ANPEP: variants seen among roughly 807,000 people sequenced by gnomAD.
ANPEP encodes aminopeptidase N.
Under a neutral mutation model 114.6 loss-of-function variants are expected in ANPEP, and 70 were observed. The observed-to-expected ratio is 0.61, with a 90% confidence interval of 0.50 to 0.75. ANPEP has a LOEUF of 0.75. Ranked by LOEUF, ANPEP falls within the 30% of genes least tolerant of loss-of-function variation. The probability of loss-of-function intolerance (pLI) is 0.00; values close to 1 mark genes in which losing one functional copy is unlikely to be tolerated. For missense variants in ANPEP, 1,184 were observed against 1,259.5 expected (o/e 0.94, Z 0.91); for synonymous variants, 548 against 522.3 (o/e 1.05, Z -0.67).
At chr15:89,789,065 C>T (rs1216311372) in intron 20 of ANPEP, among the ~76,000 whole-genome samples, 4 of 151,902 alleles carry the variant, frequency 2.6e-5, no homozygotes, top group Admixed American at 6.6e-5. Flanking sequence ...CTGCAACCTC[C>T]GCCTCCTGGA....
Position 89,804,792 on chromosome 15 carries a change from C to G in ANPEP, c.898-175G>C, listed in dbSNP as rs1307687563. On this transcript the variant is annotated intron_variant, in intron 4 of 20. Coordinates refer to ENST00000300060, the MANE Select transcript of ANPEP (RefSeq NM_001150.3). ...GGGGAACGCTACTGGGGTCTGGAGGCTGTGGGTCCTAGAGAAGGGCCTTTG... is the reference window on the plus strand; with the variant it reads ...GGGGAACGCTACTGGGGTCTGGAGGGTGTGGGTCCTAGAGAAGGGCCTTTG... 1.0e-5 allele frequency: 10 copies of G among 956,602 alleles called. No individual in the cohort carries two copies. In the East Asian group the frequency reaches 2.3e-4, roughly 22 times the overall value. 59.3% of individuals were successfully genotyped at this position (956,602 alleles called of 1,614,324 possible).
In ANPEP at chr15:89,798,226, C is replaced by A. The variant is rs556562679; in HGVS notation, c.2010-504G>T. Among the ~76,000 whole-genome samples, 6 of 152,342 alleles carry A rather than the reference C, an allele frequency of 3.9e-5. No homozygotes were observed. The South Asian group carries it at 1.2e-3, about 32-fold the overall frequency. On this transcript the variant is annotated intron_variant, in intron 14 of 20. Coordinates refer to ENST00000300060, the MANE Select transcript of ANPEP (RefSeq NM_001150.3). ...TGTCCAAGAGCTTAGAGTACCTCAC[C>A]CCAAACAGAGTAGGTGCTCAATAAG...
chr15:89,804,679 G>T, intron 4 of ANPEP, 62 bp from the exon 5 acceptor site: 1 of 1,585,488 alleles, frequency 6.3e-7, no homozygotes, highest in Non-Finnish European at 8.6e-7. Context: ...CAGGTGGGCT[G>T]GGTCCCAGGG....
At chr15:89,787,270 C>T (rs1364521643) in intron 20 of ANPEP, among the ~76,000 whole-genome samples, 1 of 152,114 alleles carries the variant, frequency 6.6e-6, no homozygotes, top group Admixed American at 6.6e-5. Context: ...TGGTCTTGAA[C>T]TCCTGACCTC....
At chr15:89,802,954 G>C (rs1169023266) in intron 10 of ANPEP, among the ~76,000 whole-genome samples, 2 of 152,108 alleles carry the variant, frequency 1.3e-5, no homozygotes, top group East Asian at 3.9e-4. Context: ...CATGAGGGCA[G>C]TTTCCTCACC....
At position 89,801,151 on chromosome 15, in the gene ANPEP, A is replaced by G. The variant is rs899097948; in HGVS notation, c.1779T>C (p.Asp593=). The G allele has an allele frequency of 7.4e-6, 12 of 1,614,180 alleles. No homozygotes were observed. The African/African-American group carries it at 1.3e-4, about 18-fold the overall frequency. ...VWIVPITSIR[D]GRQQQDYWLI... ...GCCAGTAGTCCTGCTGCTGTCTGCC[A>G]TCTCTGATGGATGTGATGGGCACAA... The change falls in exon 12 of 21, where the codon GAT becomes GAC. Residue 593 remains aspartate (D), a synonymous_variant. Transcript: ENST00000300060.
rs572936908 is a variant in ANPEP at position 89,799,673 on chromosome 15, C to A, written c.1820-114G>T. 449 of 1,472,620 alleles carry A rather than the reference C, an allele frequency of 3.0e-4. No homozygotes were observed. The African/African-American group carries it at 5.5e-3, about 18-fold the overall frequency. 91.2% of individuals were successfully genotyped at this position (1,472,620 alleles called of 1,614,324 possible). On this transcript the variant is annotated intron_variant, in intron 12 of 20. Coordinates refer to ENST00000300060, the MANE Select transcript of ANPEP (RefSeq NM_001150.3). The surrounding 1 kb of genome is among the most constrained non-coding windows in gnomAD (Gnocchi z 4.2). Reference sequence around the variant, plus strand: ...CTGGCACCACCTCACCCTCAAGCTGCTGGGGAGACGCTAAGGGTGGGGAAG... The same window carrying A: ...CTGGCACCACCTCACCCTCAAGCTGATGGGGAGACGCTAAGGGTGGGGAAG...
chr15:89,800,176 T>G (rs1344435967), intron 12 of ANPEP, among the ~76,000 whole-genome samples: 1 of 152,110 alleles, frequency 6.6e-6, no homozygotes, highest in African/African-American at 2.4e-5. Context: ...GTCCCCACAC[T>G]CTCTCCTACC....
At chr15:89,792,817 G>C (rs1031304345) in intron 16 of ANPEP, among the ~76,000 whole-genome samples, 20 of 152,308 alleles carry the variant, frequency 1.3e-4, no homozygotes, top group African/African-American at 4.6e-4. Flanking sequence ...AAGCCAGTGG[G>C]GTGAGCTAGA....
At chr15:89,804,654 T>C in intron 4 of ANPEP, 37 bp from the exon 5 acceptor site, 2 of 1,602,760 alleles carry the variant, frequency 1.2e-6, no homozygotes, top group Non-Finnish European at 1.7e-6. Context: ...CAGGGGCTCC[T>C]GTTTGATCCT....
intron 20 of ANPEP, among the ~76,000 whole-genome samples, chr15:89,788,508 AAG>A (rs1223597229): frequency 1.3e-5 from 2 of 152,210 alleles, no homozygotes; most frequent in Non-Finnish European, 2.9e-5. Flanking sequence ...TAATGAGTAC[AAG>A]GTTTTTTTTT....
In ANPEP at chr15:89,806,478, C is replaced by G; in HGVS notation, c.106G>C (p.Glu36Gln). 6.2e-7 allele frequency: 1 copy of G among 1,614,036 alleles called. No individual in the cohort carries two copies. The highest frequency in any genetic ancestry group is 8.5e-7 in the Non-Finnish European group (1 of 1,179,954). Reference sequence around the variant, plus strand: ...GAGCTGTTGGCGTTCTTGTTCTTCTCCTGGGAGTACACCACTGACAGTGCG... The same window carrying G: ...GAGCTGTTGGCGTTCTTGTTCTTCTGCTGGGAGTACACCACTGACAGTGCG... Reference protein sequence around the residue: ...IIALSVVYSQEKNKNANSSPV... With the variant: ...IIALSVVYSQQKNKNANSSPV... The change falls in exon 2 of 21, where the codon GAG (glutamate) becomes CAG (glutamine). Residue 36 changes from glutamate (E) to glutamine (Q), a missense_variant. Physicochemically the swap from Glu to Gln is conservative, Grantham distance 29. Transcript: ENST00000300060. The surrounding 1 kb of genome is among the most constrained non-coding windows in gnomAD (Gnocchi z 5.7).
rs751013851 is a variant in ANPEP, at chr15:89,797,725, G to A, written c.2010-3C>T. 6.2e-7 allele frequency: 1 copy of A among 1,613,970 alleles called. No individual in the cohort carries two copies. The highest frequency in any genetic ancestry group is 2.2e-5 in the East Asian group (1 of 44,874). ...GAGTGACAGGGACCTTATGGGCACT[G>A]GGAATAAACAGAGGGGCCCAAGTAA... On this transcript the variant is annotated splice_polypyrimidine_tract_variant and splice_region_variant and intron_variant, in intron 14 of 20. Coordinates refer to ENST00000300060, the MANE Select transcript of ANPEP (RefSeq NM_001150.3).
At chr15:89,794,255 G>A (rs887649448) in intron 15 of ANPEP, among the ~76,000 whole-genome samples, 41 of 152,150 alleles carry the variant, frequency 2.7e-4, no homozygotes, top group African/African-American at 8.4e-4. Flanking sequence ...AGGCTGAGGC[G>A]GGCGGATCAC....
intron 1 of ANPEP, among the ~76,000 whole-genome samples, chr15:89,809,385 C>A (rs1039045849): frequency 3.3e-5 from 5 of 152,260 alleles, no homozygotes; most frequent in Admixed American, 1.3e-4. Flanking sequence ...ACCATACTCT[C>A]TTCCTGTTTG....
At chr15:89,797,795 G>A (rs1596164833) in intron 14 of ANPEP, 73 bp from the exon 15 acceptor site, 12 of 1,598,144 alleles carry the variant, frequency 7.5e-6, no homozygotes, top group Non-Finnish European at 9.4e-6. Context: ...CCCCAACCCA[G>A]GCCCTCAAAG....
At chr15:89,796,637 G>A (rs954442944) in intron 15 of ANPEP, among the ~76,000 whole-genome samples, 22 of 151,244 alleles carry the variant, frequency 1.5e-4, no homozygotes, top group Non-Finnish European at 1.5e-4. Context: ...ACAGGTGCCC[G>A]CCACCACGCC....
chr15:89,792,404 T>A, intron 17 of ANPEP, 48 bp downstream of exon 17: 1 of 1,612,852 alleles, frequency 6.2e-7, no homozygotes, highest in Non-Finnish European at 8.5e-7. Context: ...GACGGGGCTG[T>A]TGGGGGCAGA....
chr15:89,795,255 C>G (rs1016890348), intron 15 of ANPEP, among the ~76,000 whole-genome samples: 1 of 152,072 alleles, frequency 6.6e-6, no homozygotes, highest in Non-Finnish European at 1.5e-5. Flanking sequence ...GTGTGCAAAG[C>G]TGAGGGAACC....
Sources: gnomAD v4.1 joint callset for allele counts (sites outside exome capture counted in the v4.1 genomes callset) on GRCh38, gnomAD v4.1.1 for gene constraint, Gnocchi (gnomAD v3.1) non-coding constraint, MANE v1.5 for transcripts, NCBI Gene and HGNC (gene_info 2026-07-23, HGNC 2026-07-21) for gene names.